PGCKA1: variants seen among roughly 807,000 people sequenced by gnomAD.
PGCKA1 encodes PDCD10 and GCKIII kinases associated 1.
chr4:37,488,010 A>C, the PGCKA1 span, among the ~76,000 whole-genome samples: 1 of 152,012 alleles, frequency 6.6e-6, no homozygotes. Flanking sequence ...TAATATCAAG[A>C]CTCCTGTACC....
the PGCKA1 span, among the ~76,000 whole-genome samples, chr4:37,520,610 AT>A: frequency 6.7e-6 from 1 of 150,156 alleles, no homozygotes; most frequent in Non-Finnish European, 1.5e-5. Flanking sequence ...TGTAACATTT[AT>A]TTTTTTTTCA....
At chr4:37,533,015 G>A in the PGCKA1 span, among the ~76,000 whole-genome samples, 34,141 of 111,570 alleles carry the variant, frequency 0.31, 3,431 homozygotes, top group South Asian at 0.49. Flanking sequence ...GGTGCAGTGT[G>A]TACTGCTTTG....
At chr4:37,456,863 AG>A in the PGCKA1 span, among the ~76,000 whole-genome samples, 17 of 152,364 alleles carry the variant, frequency 1.1e-4, no homozygotes, top group African/African-American at 3.8e-4. Flanking sequence ...TTTAAATTAG[AG>A]GAGAGAGAGA....
the PGCKA1 span, among the ~76,000 whole-genome samples, chr4:37,589,718 G>A: frequency 1.3e-5 from 2 of 152,076 alleles, no homozygotes; most frequent in Non-Finnish European, 2.9e-5. Context: ...TGCAGCCTCC[G>A]CCTCCCAGGT....
At chr4:37,531,891 CAAAAA>C in the PGCKA1 span, among the ~76,000 whole-genome samples, 4 of 70,932 alleles carry the variant, frequency 5.6e-5, no homozygotes, top group East Asian at 4.5e-4. Context: ...GAATCTGTCT[CAAAAA>C]AAAAAAAAAA....
At chr4:37,590,604 A>G in the PGCKA1 span, 1 of 1,614,174 alleles carries the variant, frequency 6.2e-7, no homozygotes, top group Non-Finnish European at 8.5e-7. Context: ...TCTTCCAGAT[A>G]CCAGCCCCAG....
chr4:37,591,038 G>C, the PGCKA1 span: 3 of 1,544,242 alleles, frequency 1.9e-6, no homozygotes, highest in Admixed American at 3.7e-5. Flanking sequence ...CTGGTGTCAT[G>C]CTGAGCATGC....
At chr4:37,488,713 C>A in the PGCKA1 span, among the ~76,000 whole-genome samples, 1 of 152,268 alleles carries the variant, frequency 6.6e-6, no homozygotes, top group African/African-American at 2.4e-5. Flanking sequence ...GCTCACAAAT[C>A]CTGTTCCATC....
chr4:37,571,355 CTTTTT>C, the PGCKA1 span, among the ~76,000 whole-genome samples: 9 of 78,034 alleles, frequency 1.2e-4, no homozygotes, highest in Non-Finnish European at 1.5e-4. Context: ...GACTATTATC[CTTTTT>C]TTTTTTTTTT....
chr4:37,589,658 G>T, the PGCKA1 span, among the ~76,000 whole-genome samples: 1 of 152,074 alleles, frequency 6.6e-6, no homozygotes. Flanking sequence ...TTTCAAGACT[G>T]TCTCGCTCTG....
the PGCKA1 span, among the ~76,000 whole-genome samples, chr4:37,468,455 C>A: frequency 6.6e-6 from 1 of 152,190 alleles, no homozygotes; most frequent in African/African-American, 2.4e-5. Context: ...CCCCAGCCTG[C>A]AAAGGGCTGT....
At chr4:37,550,357 TACAC>T in the PGCKA1 span, among the ~76,000 whole-genome samples, 1 of 146,592 alleles carries the variant, frequency 6.8e-6, no homozygotes, top group Admixed American at 6.9e-5. Flanking sequence ...AAAAAAAAGT[TACAC>T]AGTAAAAAAA....
chr4:37,573,000 C>G, the PGCKA1 span, among the ~76,000 whole-genome samples: 1 of 152,158 alleles, frequency 6.6e-6, no homozygotes, highest in Non-Finnish European at 1.5e-5. Context: ...TATTTTCAAA[C>G]ATATAGCAAA....
At chr4:37,483,102 C>G in the PGCKA1 span, among the ~76,000 whole-genome samples, 2 of 152,100 alleles carry the variant, frequency 1.3e-5, no homozygotes, top group Non-Finnish European at 2.9e-5. Flanking sequence ...CCATGCTATT[C>G]TTGTGATAGT....
At chr4:37,564,492 G>C in the PGCKA1 span, among the ~76,000 whole-genome samples, 1 of 133,620 alleles carries the variant, frequency 7.5e-6, no homozygotes, top group Non-Finnish European at 1.7e-5. Context: ...GATGCCAGGG[G>C]TGTCTGACTT....
At chr4:37,579,228 A>G in the PGCKA1 span, among the ~76,000 whole-genome samples, 3 of 152,094 alleles carry the variant, frequency 2.0e-5, no homozygotes, top group African/African-American at 7.2e-5. Flanking sequence ...CGTACAGTCT[A>G]TGTCTTGAAA....
At chr4:37,546,103 C>T in the PGCKA1 span, among the ~76,000 whole-genome samples, 2 of 152,208 alleles carry the variant, frequency 1.3e-5, no homozygotes, top group Non-Finnish European at 2.9e-5. Context: ...ACAGCCAACA[C>T]TGTTGAAATT....
chr4:37,480,499 AAAAC>A, the PGCKA1 span, among the ~76,000 whole-genome samples: 16,038 of 152,158 alleles, frequency 0.11, 1,231 homozygotes, highest in East Asian at 0.32. Context: ...TTAAAAACAA[AAAAC>A]AAACAAACAA....
At chr4:37,513,062 C>T in the PGCKA1 span, among the ~76,000 whole-genome samples, 1 of 149,166 alleles carries the variant, frequency 6.7e-6, no homozygotes, top group Non-Finnish European at 1.5e-5. Flanking sequence ...GCACTCCAGC[C>T]TGGGCAAAAA....
Sources: gnomAD v4.1 joint callset for allele counts (sites outside exome capture counted in the v4.1 genomes callset) on GRCh38, gnomAD v4.1.1 for gene constraint, MANE v1.5 for transcripts, NCBI Gene and HGNC (gene_info 2026-07-23, HGNC 2026-07-21) for gene names.